Variants in HPN observed in about 807,000 individuals in gnomAD.
The protein encoded by HPN is serine protease hepsin.
In HPN, 13 loss-of-function variants were observed where a neutral mutation model predicts 55.9. The observed-to-expected ratio is 0.23, with a 90% CI of 0.15 to 0.37. The LOEUF (loss-of-function observed/expected upper bound fraction) is 0.37, where lower values mean the gene tolerates loss of function less well. Ranked by LOEUF, HPN falls within the 10% of genes least tolerant of loss-of-function variation. HPN has a pLI of 1.00. For synonymous variants in HPN, 225 were observed against 240.3 expected (o/e 0.94, Z 0.59); for missense variants, 451 against 575.8 (o/e 0.78, Z 2.22).
intron 4 of HPN, among the ~76,000 whole-genome samples, chr19:35,055,884 G>A (rs994255014): frequency 6.6e-6 from 1 of 152,162 alleles, no homozygotes; most frequent in Non-Finnish European, 1.5e-5. Context: ...AGAGGGAGCT[G>A]GTGACCACCT....
At chr19:35,052,534 CAAA>C (rs5827918) in intron 4 of HPN, among the ~76,000 whole-genome samples, 10 of 84,510 alleles carry the variant, frequency 1.2e-4, no homozygotes, top group South Asian at 3.9e-4. Flanking sequence ...GAGTCTGTCT[CAAA>C]AAAAAAAAAA....
chr19:35,060,154 G>C lies in HPN; in HGVS notation c.439G>C (p.Ala147Pro). 1.2e-6 allele frequency: 2 copies of C among 1,614,110 alleles called. No individual in the cohort carries two copies. The highest frequency in any genetic ancestry group is 1.7e-6 in the Non-Finnish European group (2 of 1,180,036). ...VCDCPRGRFLAAICQDCGRRK... is the reference protein window; with the variant it reads ...VCDCPRGRFLPAICQDCGRRK... ...TGATTGCCCCAGAGGCCGTTTCTTG[G>C]CCGCCATCTGCCAAGGTGAGATCCT... is the stretch of plus-strand genomic sequence containing the variant. Residue 147 changes from alanine (A) to proline (P), a missense_variant, in exon 7 of 13, where the codon GCC becomes CCC. Physicochemically the swap from Ala to Pro is conservative, Grantham distance 27. Around this residue, in one of 2 missense-constraint regions of HPN, gnomAD observed 378 missense variants for 445.5 expected, o/e 0.85. Transcript: ENST00000672452.
chr19:35,063,402 A>G (rs749844155), intron 9 of HPN, among the ~76,000 whole-genome samples: 1 of 152,180 alleles, frequency 6.6e-6, no homozygotes, highest in Admixed American at 6.5e-5. Context: ...GGAGTGATAC[A>G]TGCTTTTCTT....
upstream of HPN, among the ~76,000 whole-genome samples, chr19:35,041,187 C>T (rs1032744547): frequency 9.9e-5 from 15 of 152,208 alleles, no homozygotes; most frequent in African/African-American, 3.1e-4. Context: ...CAGAGGTCAC[C>T]GCGGCCGGGC....
At chr19:35,062,875 C>G (rs2064552451) in intron 9 of HPN, among the ~76,000 whole-genome samples, 1 of 139,788 alleles carries the variant, frequency 7.2e-6, no homozygotes, top group African/African-American at 2.6e-5. Context: ...AGAGCGAGAC[C>G]CTGTCTCAGA....
intron 1 of HPN, 117 bp downstream of exon 1, chr19:35,041,989 G>A: frequency 8.5e-7 from 1 of 1,183,104 alleles, no homozygotes; most frequent in Non-Finnish European, 1.1e-6. Flanking sequence ...ACCTGAAGAG[G>A]GGGCACTATG....
rs775392789 is a variant in HPN at position 35,059,925 on chromosome 19, G to A, written c.342G>A (p.Thr114=). ...LDVRTAGANG[T]SGFFCVDEGR... ...TGCGAACGGCGGGCGCCAATGGCACGTCGGGCTTCTTCTGTGTGGACGAGG... is the reference window on the plus strand; with the variant it reads ...TGCGAACGGCGGGCGCCAATGGCACATCGGGCTTCTTCTGTGTGGACGAGG... The change falls in exon 6 of 13, where the codon ACG becomes ACA. Residue 114 remains threonine (T), a synonymous_variant. Transcript: ENST00000672452. 28 of 1,515,794 alleles carry A rather than the reference G, an allele frequency of 1.8e-5. No homozygotes were observed. The highest frequency in any genetic ancestry group is 1.3e-4 in the Admixed American group (6 of 44,914). The allele number at this position is 1,515,794 out of a possible 1,614,324, so 93.9% of individuals were successfully genotyped here.
chr19:35,060,611 C>T lies in HPN; in HGVS notation c.621-16C>T. The T allele has an allele frequency of 3.7e-6, 6 of 1,613,306 alleles. No homozygotes were observed. In the South Asian group the frequency reaches 6.6e-5, roughly 18 times the overall value. ...TGCCCAGGCAGGTGGCCACCCTCCA[C>T]CCCTTTCCCTGGTAGGCGGAACCGG... On this transcript the variant is annotated splice_polypyrimidine_tract_variant and intron_variant, in intron 8 of 12. Transcript: ENST00000672452.
At chr19:35,063,411 T>G (rs2064559672) in intron 9 of HPN, among the ~76,000 whole-genome samples, 1 of 152,228 alleles carries the variant, frequency 6.6e-6, no homozygotes, top group African/African-American at 2.4e-5. Flanking sequence ...CATGCTTTTC[T>G]TTAAAACCAA....
intron 2 of HPN, 138 bp from the exon 3 acceptor site, chr19:35,049,152 C>T (rs776790661): frequency 2.6e-5 from 14 of 532,032 alleles, no homozygotes; most frequent in Non-Finnish European, 4.1e-5. Flanking sequence ...ACTGCTGGCC[C>T]CGGGAAACTG....
chr19:35,059,295 T>TACAAAACAAA (rs112693522), intron 4 of HPN: 97 of 361,318 alleles, frequency 2.7e-4, no homozygotes, highest in African/African-American at 2.0e-3. Flanking sequence ...GACCCGTCTC[T>TACAAAACAAA]ACAAAACAAA....
At chr19:35,065,787 G>A in intron 11 of HPN, 81 bp from the exon 12 acceptor site, 1 of 1,586,284 alleles carries the variant, frequency 6.3e-7, no homozygotes, top group Non-Finnish European at 8.6e-7. Context: ...AGGGCTCTGG[G>A]GCCACAGCCC....
intron 9 of HPN, among the ~76,000 whole-genome samples, chr19:35,063,137 G>T (rs1016587242): frequency 6.6e-6 from 1 of 152,148 alleles, no homozygotes; most frequent in Non-Finnish European, 1.5e-5. Context: ...GCACACCCTG[G>T]TAAGGAGGGT....
At chr19:35,064,652 A>T (rs2064580265) in intron 9 of HPN, among the ~76,000 whole-genome samples, 1 of 152,042 alleles carries the variant, frequency 6.6e-6, no homozygotes, top group Non-Finnish European at 1.5e-5. Context: ...TAAAACATAC[A>T]TGTTATGAAA....
rs2064597612 is a variant in HPN, at chr19:35,065,562, G to C, written c.931G>C (p.Glu311Gln). Residue 311 changes from glutamate to glutamine, a missense_variant, in exon 11 of 13, where the codon GAG (glutamate) becomes CAG (glutamine). By Grantham distance (29) the Glu-to-Gln change is conservative. Around this residue, in one of 2 missense-constraint regions of HPN, gnomAD observed 378 missense variants for 445.5 expected, o/e 0.85. Coordinates refer to ENST00000672452, the MANE Select transcript of HPN (RefSeq NM_001384133.1). ...YYGQQAGVLQ[E>Q]ARVPIISNDV... ...AGGCCAACAGGCCGGGGTACTCCAG[G>C]AGGCTCGAGTCCCCATAATCAGCAA... The C allele has an allele frequency of 6.2e-7, 1 of 1,613,994 alleles. No individual in the cohort carries two copies. Among genetic ancestry groups the C allele is most frequent in the African/African-American group, 1.3e-5 (1 of 74,926 alleles).
rs2064307158 is a variant in HPN, at chr19:35,042,789, A to AG, written c.16+267_16+268insG. On this transcript the variant is annotated intron_variant, in intron 2 of 12. Transcript: ENST00000672452. ...CTCATCCCCCAGTGATTTCTCAGCT[A>AG]ACTCTGGACTTGTCCTCTGCTGGGG... Among the ~76,000 whole-genome samples the AG allele has an allele frequency of 3.3e-5, 5 of 152,312 alleles. No individual in the cohort carries two copies. The South Asian group carries it at 1.0e-3, about 32-fold the overall frequency.
intron 4 of HPN, among the ~76,000 whole-genome samples, chr19:35,054,039 C>T (rs143820940): frequency 2.0e-5 from 3 of 152,330 alleles, no homozygotes; most frequent in Non-Finnish European, 4.4e-5. Context: ...GGGTTCAAGT[C>T]CCGGTTTTGC....
In HPN at chr19:35,049,349, C is replaced by T. The variant is rs1261628097; in HGVS notation, c.76C>T (p.Leu26=). 1.2e-6 allele frequency: 2 copies of T among 1,602,708 alleles called. No homozygotes were observed. Among genetic ancestry groups the T allele is most frequent in the Middle Eastern group, 1.7e-4 (1 of 5,992 alleles). Residue 26 remains leucine, a synonymous_variant, in exon 3 of 13, where the codon CTG becomes TTG. Transcript: ENST00000672452. The stretch of plus-strand genomic sequence containing the variant: ...GGTGGCAGCTCTCACTGCGGGGACC[C>T]TGCTACTTCTGACAGCCATCGGGGC... ...PKVAALTAGT[L]LLLTAIGAAS...
At chr19:35,041,639 G>A (rs1023722059), upstream of HPN, 85 of 1,154,174 alleles carry the variant, frequency 7.4e-5, 1 homozygote, top group African/African-American at 1.3e-3. Flanking sequence ...CCATCAGCCA[G>A]GTGGCCTCCA....
Sources: gnomAD v4.1 joint callset for allele counts (sites outside exome capture counted in the v4.1 genomes callset) on GRCh38, gnomAD v4.1.1 for gene constraint, gnomAD v4.1.1 regional missense constraint, MANE v1.5 for transcripts, NCBI Gene and HGNC (gene_info 2026-07-23, HGNC 2026-07-21) for gene names.